Variants in TRPM3 observed in about 807,000 individuals in gnomAD.
The protein encoded by TRPM3 is long transient receptor potential channel 3.
In TRPM3, 77 loss-of-function variants were observed where a neutral mutation model predicts 181.2. The ratio of observed to expected loss-of-function variants is 0.42; its 90% CI spans 0.35 to 0.51. The LOEUF (loss-of-function observed/expected upper bound fraction) is 0.51. Among genes scored for constraint, TRPM3 ranks in the 20% least tolerant of loss-of-function variants. The pLI is 0.01. For synonymous variants in TRPM3, 745 were observed against 796.4 expected, an observed-to-expected ratio of 0.94 and a Z score of 1.09; for missense variants, 1,759 against 2,196.7, an observed-to-expected ratio of 0.80 and a Z score of 3.98.
chr9:70,585,932 C>T (rs2057046723), intron 22 of TRPM3, among the ~76,000 whole-genome samples: 1 of 152,188 alleles, frequency 6.6e-6, no homozygotes, highest in African/African-American at 2.4e-5. Flanking sequence ...CGTCCTACTT[C>T]CTATCTCTTG....
At chr9:70,996,312 A>G (rs1350456481) in intron 1 of TRPM3, among the ~76,000 whole-genome samples, 1 of 152,166 alleles carries the variant, frequency 6.6e-6, no homozygotes, top group Non-Finnish European at 1.5e-5. Flanking sequence ...TGAAAGGCAT[A>G]GGTTTAATAT....
chr9:70,925,170 A>C (rs891059996), intron 1 of TRPM3, among the ~76,000 whole-genome samples: 1 of 152,170 alleles, frequency 6.6e-6, no homozygotes, highest in African/African-American at 2.4e-5. Context: ...TAAATGCTAC[A>C]CAGCAAATGA....
intron 1 of TRPM3, among the ~76,000 whole-genome samples, chr9:70,896,557 G>T (rs1672517656): frequency 6.6e-6 from 1 of 152,158 alleles, no homozygotes; most frequent in Non-Finnish European, 1.5e-5. Flanking sequence ...AAGTGAATGT[G>T]TGTGAATTAT....
At chr9:70,972,728 T>C (rs2097259941) in intron 1 of TRPM3, among the ~76,000 whole-genome samples, 1 of 152,154 alleles carries the variant, frequency 6.6e-6, no homozygotes. Context: ...TCAGTGTAGA[T>C]GTTACTTTTC....
At chr9:71,215,413 G>A (rs930255651) in intron 1 of TRPM3, among the ~76,000 whole-genome samples, 3 of 152,096 alleles carry the variant, frequency 2.0e-5, no homozygotes, top group African/African-American at 7.2e-5. Context: ...TTAGACTTGG[G>A]GGCTCTGCTT....
intron 1 of TRPM3, among the ~76,000 whole-genome samples, chr9:71,186,992 G>C (rs1158721772): frequency 6.6e-6 from 1 of 151,896 alleles, no homozygotes; most frequent in African/African-American, 2.4e-5. Context: ...TATCATGTGG[G>C]CATAATAATT....
At chr9:71,264,932 G>A (rs1050526145) in intron 1 of TRPM3, among the ~76,000 whole-genome samples, 1 of 152,098 alleles carries the variant, frequency 6.6e-6, no homozygotes, top group Admixed American at 6.5e-5. Flanking sequence ...AAAATTCTTA[G>A]AACTGTATTA....
At chr9:71,352,627 C>T (rs752012378) in intron 1 of TRPM3, among the ~76,000 whole-genome samples, 19 of 152,192 alleles carry the variant, frequency 1.2e-4, no homozygotes, top group Non-Finnish European at 1.9e-4. Context: ...TCCTATAATG[C>T]AGCTTTTTGC....
At chr9:71,171,170 C>T (rs2134802535) in intron 1 of TRPM3, among the ~76,000 whole-genome samples, 1 of 152,286 alleles carries the variant, frequency 6.6e-6, no homozygotes, top group South Asian at 2.1e-4. Flanking sequence ...GATCTCAAAA[C>T]CCTGTCTCCT....
chr9:70,891,076 C>T (rs1229036641), intron 1 of TRPM3, among the ~76,000 whole-genome samples: 1 of 152,020 alleles, frequency 6.6e-6, no homozygotes, highest in Non-Finnish European at 1.5e-5. Flanking sequence ...ATGTCAATGA[C>T]GAGTTAATGG....
chr9:70,566,337 C>T (rs779390153), intron 22 of TRPM3, among the ~76,000 whole-genome samples: 1 of 151,940 alleles, frequency 6.6e-6, no homozygotes, highest in Non-Finnish European at 1.5e-5. Flanking sequence ...GCTCTAAGCA[C>T]CAGGCACTGC....
chr9:71,071,617 C>A (rs2062776034), intron 1 of TRPM3, among the ~76,000 whole-genome samples: 1 of 152,178 alleles, frequency 6.6e-6, no homozygotes, highest in Non-Finnish European at 1.5e-5. Context: ...TTATGCAAGA[C>A]CAAATTAGTG....
At chr9:70,620,931 A>AT (rs901023789) in intron 15 of TRPM3, among the ~76,000 whole-genome samples, 51 of 149,512 alleles carry the variant, frequency 3.4e-4, no homozygotes, top group African/African-American at 7.1e-4. Context: ...TTCAAATAGG[A>AT]TTTTTTTTTG....
At chr9:71,180,045 TC>T (rs1163333412) in intron 1 of TRPM3, among the ~76,000 whole-genome samples, 3 of 126,412 alleles carry the variant, frequency 2.4e-5, no homozygotes, top group Non-Finnish European at 5.0e-5. Context: ...TTATCATACA[TC>T]CTTCTTTTTT....
intron 5 of TRPM3, among the ~76,000 whole-genome samples, chr9:70,831,652 G>T (rs1044467552): frequency 2.0e-5 from 3 of 151,740 alleles, no homozygotes; most frequent in African/African-American, 7.3e-5. Flanking sequence ...GTTCAGATAA[G>T]AAACCTGAGT....
intron 1 of TRPM3, among the ~76,000 whole-genome samples, chr9:71,429,917 G>A (rs893699563): frequency 1.3e-5 from 2 of 152,112 alleles, no homozygotes. Flanking sequence ...CACTCTGCAT[G>A]GAATGTCCTT....
In TRPM3 at chr9:70,922,875, T is replaced by A. The variant is rs182913103; in HGVS notation, c.178-58364A>T. ...AAGGAGATTTTGCAGGTAACCAGCA[T>A]GTTATATAGAATGTAATATTTGGGG... On this transcript the variant is annotated intron_variant, in intron 1 of 25. Coordinates refer to ENST00000677713, the MANE Select transcript of TRPM3 (RefSeq NM_001366145.2). Among the ~76,000 whole-genome samples, 10 of 152,272 alleles carry A rather than the reference T, an allele frequency of 6.6e-5. No homozygotes were observed. In the East Asian group the frequency reaches 1.7e-3, roughly 26 times the overall value.
intron 1 of TRPM3, among the ~76,000 whole-genome samples, chr9:71,340,035 G>T (rs527832819): frequency 4.6e-4 from 69 of 150,844 alleles, no homozygotes; most frequent in African/African-American, 1.6e-3. Flanking sequence ...TCTGAACATT[G>T]TAAGGCTAAA....
intron 8 of TRPM3, among the ~76,000 whole-genome samples, chr9:70,696,973 G>C (rs1564039601): frequency 9.2e-6 from 1 of 108,624 alleles, no homozygotes; most frequent in Non-Finnish European, 2.2e-5. Flanking sequence ...TGGAGAAGCT[G>C]CTTTTTTTTC....
Sources: allele counts gnomAD v4.1 joint callset (sites outside exome capture counted in the v4.1 genomes callset), GRCh38; gene constraint gnomAD v4.1.1; transcripts MANE v1.5; gene names NCBI Gene and HGNC (gene_info 2026-07-23, HGNC 2026-07-21).